UBR3: variants seen among roughly 807,000 people sequenced by gnomAD.
UBR3 encodes E3 ubiquitin-protein ligase UBR3.
In UBR3, 85 loss-of-function variants were observed where a neutral mutation model predicts 243.2. The observed-to-expected ratio is 0.35, with a 90% CI of 0.29 to 0.42. The LOEUF (loss-of-function observed/expected upper bound fraction) is 0.42. Ranked by LOEUF, UBR3 falls within the 10% of genes least tolerant of loss-of-function variation. UBR3 has a pLI of 1.00. For synonymous variants in UBR3, 748 were observed against 799.8 expected, an observed-to-expected ratio of 0.94 and a Z score of 1.09; for missense variants, 1,686 against 2,300.8, an observed-to-expected ratio of 0.73 and a Z score of 5.47.
intron 1 of UBR3, among the ~76,000 whole-genome samples, chr2:169,869,216 G>GTTTTTT (rs11344991): frequency 3.9e-4 from 22 of 56,210 alleles, no homozygotes; most frequent in South Asian, 1.9e-3. Flanking sequence ...GATTGATAAG[G>GTTTTTT]TTTTTTTTTT....
At chr2:169,920,196 C>G (rs1447197008) in intron 11 of UBR3, among the ~76,000 whole-genome samples, 1 of 152,084 alleles carries the variant, frequency 6.6e-6, no homozygotes, top group Non-Finnish European at 1.5e-5. Context: ...AACCATCATT[C>G]TCAGCAAACT....
intron 32 of UBR3, among the ~76,000 whole-genome samples, chr2:170,051,465 C>T (rs11696020): frequency 0.43 from 65,015 of 152,020 alleles, 15,414 homozygotes; most frequent in Non-Finnish European, 0.54. Context: ...CTGCCTCAGC[C>T]TTCCAAGTAG....
chr2:169,843,101 A>G (rs2082355142), intron 1 of UBR3, among the ~76,000 whole-genome samples: 2 of 152,154 alleles, frequency 1.3e-5, no homozygotes, highest in African/African-American at 2.4e-5. Flanking sequence ...GCCTCTACCT[A>G]TTACCCAGTT....
At position 170,007,850 on chromosome 2, in the gene UBR3, C is replaced by T. The variant is rs200290767; in HGVS notation, c.4230+660C>T. 5.3e-5 allele frequency among the ~76,000 whole-genome samples: 8 copies of T among 151,810 alleles called. No homozygotes were observed. In the East Asian group the frequency reaches 7.7e-4, roughly 15 times the overall value. ...CTCCACTCCAGTCTAGGCAGCAGAGCGAGACTCCCTCTCAAAATAAAAAAG... is the reference window on the plus strand; with the variant it reads ...CTCCACTCCAGTCTAGGCAGCAGAGTGAGACTCCCTCTCAAAATAAAAAAG... On this transcript the variant is annotated intron_variant, in intron 28 of 38. Transcript: ENST00000272793.
chr2:169,924,279 A>C (rs879118609), intron 13 of UBR3, 106 bp downstream of exon 13: 2 of 848,410 alleles, frequency 2.4e-6, no homozygotes, highest in East Asian at 6.3e-5. Flanking sequence ...ATGTTTGAAA[A>C]CTTTTTTTAA....
intron 1 of UBR3, among the ~76,000 whole-genome samples, chr2:169,859,292 C>T (rs190802149): frequency 6.6e-6 from 1 of 151,964 alleles, no homozygotes; most frequent in Non-Finnish European, 1.5e-5. Flanking sequence ...AGGATGGTCT[C>T]GATCTCCTGA....
At chr2:169,996,590 G>A (rs760830210) in intron 26 of UBR3, among the ~76,000 whole-genome samples, 20 of 151,492 alleles carry the variant, frequency 1.3e-4, no homozygotes, top group African/African-American at 4.6e-4. Context: ...TGAAATTATG[G>A]TTATTTTGTA....
At chr2:170,026,601 A>G (rs746844513) in intron 30 of UBR3, among the ~76,000 whole-genome samples, 13 of 152,150 alleles carry the variant, frequency 8.5e-5, no homozygotes, top group Non-Finnish European at 1.9e-4. Context: ...GGTGCTTCCT[A>G]TACATAGATT....
intron 6 of UBR3, among the ~76,000 whole-genome samples, chr2:169,892,322 G>GTGAC (rs2084407591): frequency 6.6e-6 from 1 of 152,112 alleles, no homozygotes; most frequent in South Asian, 2.1e-4. Context: ...CTGAGTCCTT[G>GTGAC]TGACACATCT....
At chr2:169,958,665 A>C (rs189365431) in intron 24 of UBR3, 139 bp downstream of exon 24, 8 of 656,668 alleles carry the variant, frequency 1.2e-5, no homozygotes, top group Middle Eastern at 3.0e-4. Flanking sequence ...CAATATAGTG[A>C]TGGAAGATCA....
chr2:169,921,409 T>C (rs2085692420), intron 11 of UBR3, among the ~76,000 whole-genome samples: 2 of 152,092 alleles, frequency 1.3e-5, no homozygotes, highest in African/African-American at 2.4e-5. Flanking sequence ...TCAGTATATA[T>C]AGGAATAGAA....
intron 31 of UBR3, among the ~76,000 whole-genome samples, chr2:170,037,153 G>T (rs1207527354): frequency 1.3e-5 from 2 of 152,074 alleles, no homozygotes; most frequent in Admixed American, 6.6e-5. Context: ...AATACTAAGG[G>T]TTCCTACATT....
At chr2:169,830,626 T>C (rs1037840478) in intron 1 of UBR3, among the ~76,000 whole-genome samples, 3 of 149,168 alleles carry the variant, frequency 2.0e-5, no homozygotes, top group Non-Finnish European at 4.5e-5. Context: ...TTCTTACTGG[T>C]TTTTCTTTTC....
chr2:170,080,782 T>C, intron 38 of UBR3, 98 bp downstream of exon 38: 1 of 1,325,258 alleles, frequency 7.5e-7, no homozygotes, highest in Non-Finnish European at 1.0e-6. Flanking sequence ...TTTTTTAATA[T>C]TAAGAAATTC....
At chr2:169,960,637 T>A (rs898479119) in intron 24 of UBR3, among the ~76,000 whole-genome samples, 1 of 152,130 alleles carries the variant, frequency 6.6e-6, no homozygotes, top group East Asian at 1.9e-4. Context: ...TAGTAGTCAG[T>A]ATCTTGATAC....
At chr2:169,832,037 A>T (rs2081957157) in intron 1 of UBR3, among the ~76,000 whole-genome samples, 1 of 152,074 alleles carries the variant, frequency 6.6e-6, no homozygotes, top group Admixed American at 6.6e-5. Context: ...GATGTTCTTG[A>T]TTGGAGATGG....
At chr2:170,030,243 G>C (rs140070315) in intron 31 of UBR3, among the ~76,000 whole-genome samples, 1,771 of 152,142 alleles carry the variant, frequency 0.012, 48 homozygotes, top group African/African-American at 0.039. Flanking sequence ...TCTGGTACAA[G>C]TTGGCCCGGG....
At chr2:170,004,885 T>C (rs1261230961) in intron 27 of UBR3, among the ~76,000 whole-genome samples, 2 of 151,676 alleles carry the variant, frequency 1.3e-5, no homozygotes, top group Non-Finnish European at 2.9e-5. Context: ...CACTCCAGCC[T>C]GGGCAACAAA....
chr2:169,933,597 G>A (rs2086218634), intron 19 of UBR3, among the ~76,000 whole-genome samples: 1 of 152,066 alleles, frequency 6.6e-6, no homozygotes, highest in Non-Finnish European at 1.5e-5. Context: ...AACCTTAATA[G>A]TTAATATTAT....
Sources: allele counts gnomAD v4.1 joint callset (sites outside exome capture counted in the v4.1 genomes callset), GRCh38; gene constraint gnomAD v4.1.1; transcripts MANE v1.5; gene names NCBI Gene and HGNC (gene_info 2026-07-23, HGNC 2026-07-21).